Variants in HUNK observed in about 807,000 individuals in gnomAD.
HUNK encodes the protein hormonally up-regulated Neu-associated kinase, also known as hormonally up-regulated neu tumor-associated kinase.
Under a neutral mutation model 61.0 loss-of-function variants are expected in HUNK, and 21 were observed. The observed-to-expected ratio is 0.34, with a 90% CI of 0.24 to 0.50. HUNK has a LOEUF of 0.50. Ranked by LOEUF, HUNK falls within the 20% of genes least tolerant of loss-of-function variation. The pLI, the probability that HUNK is intolerant of heterozygous loss-of-function variation, is 0.98. For synonymous variants in HUNK, 371 were observed against 386.1 expected (o/e 0.96, Z 0.46); for missense variants, 772 against 945.7 (o/e 0.82, Z 2.41).
intron 2 of HUNK, among the ~76,000 whole-genome samples, chr21:31,932,593 T>TC (rs1343049803): frequency 6.6e-6 from 1 of 151,766 alleles, no homozygotes; most frequent in Non-Finnish European, 1.5e-5. Context: ...AGGAGTCTTC[T>TC]CCCCTTAGGT....
In HUNK at chr21:31,968,284, G is replaced by A. The variant is rs143270998; in HGVS notation, c.909G>A (p.Pro303=). The change falls in exon 6 of 11, where the codon CCG becomes CCA. Residue 303 remains proline, a synonymous_variant. Transcript: ENST00000270112. ...GTTTCCTGCGCTCTCTCCTGGAACCGGATCCTGTGAAGAGGCCAAATATTC... is the reference window on the plus strand; with the variant it reads ...GTTTCCTGCGCTCTCTCCTGGAACCAGATCCTGTGAAGAGGCCAAATATTC... ...AISFLRSLLE[P]DPVKRPNIQQ... is the part of the protein sequence containing the mutation. The A allele has an allele frequency of 1.9e-5, 31 of 1,614,044 alleles. No homozygotes were observed. The highest frequency in any genetic ancestry group is 2.5e-5 in the Non-Finnish European group (29 of 1,180,034).
chr21:31,902,471 T>G (rs2052475494), intron 1 of HUNK, among the ~76,000 whole-genome samples: 1 of 152,058 alleles, frequency 6.6e-6, no homozygotes, highest in Non-Finnish European at 1.5e-5. Context: ...GATCGTGCCA[T>G]TGCACTCCAG....
intron 4 of HUNK, among the ~76,000 whole-genome samples, chr21:31,956,743 G>A (rs1192773242): frequency 6.6e-6 from 1 of 152,100 alleles, no homozygotes; most frequent in African/African-American, 2.4e-5. Flanking sequence ...GATTTTAACA[G>A]CAACCTGCTG....
chr21:31,881,058 G>A (rs1232871105), intron 1 of HUNK, among the ~76,000 whole-genome samples: 1 of 152,226 alleles, frequency 6.6e-6, no homozygotes, highest in Non-Finnish European at 1.5e-5. Context: ...GGCCTCGTAC[G>A]GGACAGTTGC....
chr21:31,962,935 C>G (rs1006453883), intron 5 of HUNK, among the ~76,000 whole-genome samples: 1 of 152,146 alleles, frequency 6.6e-6, no homozygotes, highest in Non-Finnish European at 1.5e-5. Flanking sequence ...TTGTCCTGAC[C>G]CAGTAGGGCC....
chr21:31,981,981 A>G (rs1202663170), intron 7 of HUNK, among the ~76,000 whole-genome samples: 1 of 152,108 alleles, frequency 6.6e-6, no homozygotes, highest in Non-Finnish European at 1.5e-5. Flanking sequence ...AACATGTGCC[A>G]TGGTGGTTTG....
intron 1 of HUNK, among the ~76,000 whole-genome samples, chr21:31,875,327 G>A (rs1266705279): frequency 6.6e-6 from 1 of 152,134 alleles, no homozygotes; most frequent in Non-Finnish European, 1.5e-5. Flanking sequence ...GCCTGTGAAT[G>A]CAGGTCTCCG....
chr21:31,946,979 C>T (rs1187832842), intron 4 of HUNK, among the ~76,000 whole-genome samples: 2 of 152,078 alleles, frequency 1.3e-5, no homozygotes, highest in African/African-American at 4.8e-5. Context: ...TCCCACATCC[C>T]ATTCTCAAGC....
At chr21:31,946,703 T>C (rs1202808741) in intron 4 of HUNK, among the ~76,000 whole-genome samples, 2 of 151,968 alleles carry the variant, frequency 1.3e-5, no homozygotes, top group Non-Finnish European at 2.9e-5. Flanking sequence ...CAACCTCCCC[T>C]TCCCAGGTTC....
chr21:31,941,416 C>A (rs565656878), intron 3 of HUNK, among the ~76,000 whole-genome samples: 14 of 151,916 alleles, frequency 9.2e-5, no homozygotes, highest in Admixed American at 8.5e-4. Flanking sequence ...AAGCGATTCT[C>A]CTGTCTCAGC....
At chr21:31,947,119 A>C (rs1226567378) in intron 4 of HUNK, among the ~76,000 whole-genome samples, 1 of 146,884 alleles carries the variant, frequency 6.8e-6, no homozygotes, top group Non-Finnish European at 1.5e-5. Context: ...GCGCCTATGC[A>C]TTCCCACAGC....
At position 31,974,637 on chromosome 21, in the gene HUNK, A is replaced by G. The variant is rs1165025694; in HGVS notation, c.1093A>G (p.Thr365Ala). The change falls in exon 7 of 11, where the codon ACT becomes GCT. Residue 365 changes from threonine to alanine, a missense_variant. By Grantham distance (58) the Thr-to-Ala change is moderately conservative (BLOSUM62 0). This residue lies in a region of HUNK where 359 missense variants were observed against 501.3 expected (regional missense o/e 0.72). Transcript: ENST00000270112. Reference sequence around the variant, plus strand: ...TTACAAGAACAGCGACGTGATCAACACTGTGCTCTCCAACCGCGCCTGCCA... The same window carrying G: ...TTACAAGAACAGCGACGTGATCAACGCTGTGCTCTCCAACCGCGCCTGCCA... ...LGYKNSDVIN[T>A]VLSNRACHIL... is the part of the protein sequence containing the mutation. The G allele has an allele frequency of 1.2e-6, 2 of 1,614,010 alleles. No homozygotes were observed. The highest frequency in any genetic ancestry group is 1.7e-6 in the Non-Finnish European group (2 of 1,180,018).
At chr21:31,990,692 C>T (rs149746964) in intron 9 of HUNK, among the ~76,000 whole-genome samples, 10 of 152,080 alleles carry the variant, frequency 6.6e-5, no homozygotes, top group African/African-American at 1.7e-4. Flanking sequence ...CCCGCCATCA[C>T]GCCTGGCTAG....
intron 2 of HUNK, among the ~76,000 whole-genome samples, chr21:31,926,593 A>G (rs1386421079): frequency 1.3e-5 from 2 of 152,200 alleles, no homozygotes; most frequent in Non-Finnish European, 2.9e-5. Flanking sequence ...ATGGAATTAT[A>G]TAATACCCGG....
intron 1 of HUNK, 149 bp downstream of exon 1, chr21:31,874,084 G>T: frequency 1.8e-6 from 1 of 541,780 alleles, no homozygotes; most frequent in Middle Eastern, 5.4e-4. Flanking sequence ...GGGTTAAAAC[G>T]CGCGCTCAGC....
At chr21:31,904,118 G>T (rs535017475) in intron 1 of HUNK, among the ~76,000 whole-genome samples, 1 of 151,740 alleles carries the variant, frequency 6.6e-6, no homozygotes, top group South Asian at 2.1e-4. Flanking sequence ...ATTAGTCTCG[G>T]TTCTCCATCT....
intron 6 of HUNK, among the ~76,000 whole-genome samples, chr21:31,973,054 A>G (rs11910217): frequency 0.031 from 4,673 of 150,986 alleles, 243 homozygotes; most frequent in African/African-American, 0.11. Flanking sequence ...ATGTCTTCAG[A>G]CCCCTTGACA....
intron 1 of HUNK, among the ~76,000 whole-genome samples, chr21:31,914,112 A>AC (rs1346494942): frequency 3.3e-5 from 5 of 152,164 alleles, no homozygotes; most frequent in African/African-American, 1.2e-4. Context: ...GAGGAACTGT[A>AC]AGACCTGGCC....
At position 31,965,145 on chromosome 21, in the gene HUNK, A is replaced by T. The variant is rs576152962; in HGVS notation, c.875-3105A>T. On this transcript the variant is annotated intron_variant, in intron 5 of 10. Transcript: ENST00000270112. ...AGATCTGTTTGATTTTCGGGTTATT[A>T]TAGAACATGGATGGAGCTGGAGGCC... Among the ~76,000 whole-genome samples the T allele has an allele frequency of 3.6e-4, 55 of 152,300 alleles. No homozygotes were observed. In the South Asian group the frequency reaches 0.011, roughly 30 times the overall value.
Sources: gnomAD v4.1 joint callset for allele counts (sites outside exome capture counted in the v4.1 genomes callset) on GRCh38, gnomAD v4.1.1 for gene constraint, gnomAD v4.1.1 regional missense constraint, MANE v1.5 for transcripts, NCBI Gene and HGNC (gene_info 2026-07-23, HGNC 2026-07-21) for gene names.